The following DCLK1 variants were observed in gnomAD, a reference collection of about 807,000 sequenced individuals.
DCLK1 encodes the protein serine/threonine-protein kinase DCLK1.
In DCLK1, 16 loss-of-function variants were observed where a neutral mutation model predicts 86.2. The ratio of observed to expected loss-of-function variants is 0.19; its 90% confidence interval spans 0.13 to 0.28. DCLK1 has a LOEUF of 0.28. Ranked by LOEUF, DCLK1 falls within the 10% of genes least tolerant of loss-of-function variation. The pLI, the probability that DCLK1 is intolerant of heterozygous loss-of-function variation, is 1.00. For missense variants in DCLK1, 590 were observed against 940.2 expected (o/e 0.63, Z 4.87); for synonymous variants, 369 against 370.5 (o/e 1.00, Z 0.05).
intron 3 of DCLK1, among the ~76,000 whole-genome samples, chr13:36,103,092 T>C (rs1885272491): frequency 6.6e-6 from 1 of 152,148 alleles, no homozygotes; most frequent in African/African-American, 2.4e-5. Flanking sequence ...TTGTTGTTTG[T>C]TTGTTTGTTT....
intron 3 of DCLK1, among the ~76,000 whole-genome samples, chr13:35,978,239 C>G (rs1879456322): frequency 8.2e-6 from 1 of 122,668 alleles, no homozygotes; most frequent in African/African-American, 3.1e-5. Flanking sequence ...CGGAGTCTCA[C>G]TCTGTCACCC....
intron 3 of DCLK1, among the ~76,000 whole-genome samples, chr13:35,980,687 C>A (rs73178267): frequency 0.11 from 17,469 of 152,136 alleles, 1,272 homozygotes; most frequent in Middle Eastern, 0.18. Context: ...GTGATGAAAT[C>A]ATTCCACCTC....
intron 4 of DCLK1, among the ~76,000 whole-genome samples, chr13:35,913,891 T>G (rs1017269574): frequency 5.9e-5 from 9 of 152,316 alleles, no homozygotes; most frequent in African/African-American, 2.2e-4. Context: ...GGTAACCAAG[T>G]GCTGTCTACC....
intron 11 of DCLK1, among the ~76,000 whole-genome samples, chr13:35,821,529 C>T (rs1415935430): frequency 3.3e-5 from 5 of 152,020 alleles, no homozygotes; most frequent in Non-Finnish European, 5.9e-5. Flanking sequence ...AGAAACACTA[C>T]TTTAGAAAGA....
At chr13:36,067,058 G>A (rs1030268818) in intron 3 of DCLK1, among the ~76,000 whole-genome samples, 2 of 142,932 alleles carry the variant, frequency 1.4e-5, no homozygotes, top group African/African-American at 5.2e-5. Flanking sequence ...CCATTACTGG[G>A]TATATACCCA....
chr13:35,820,240 C>T lies in DCLK1; in HGVS notation c.1554+2489G>A, dbSNP rs185639395. ...ATAGACTTATCCCTGCAAAATTCAC[C>T]AACCCCTAATCCCTACCATCAGAAA... On this transcript the variant is annotated intron_variant, in intron 11 of 16. Transcript: ENST00000360631. Among the ~76,000 whole-genome samples, 110 of 152,050 alleles carry T rather than the reference C, an allele frequency of 7.2e-4. 1 individual carries two copies. The highest frequency in any genetic ancestry group is 2.6e-3 in the African/African-American group (107 of 41,484).
intron 16 of DCLK1, among the ~76,000 whole-genome samples, chr13:35,779,518 A>G (rs2086485070): frequency 6.6e-6 from 1 of 152,212 alleles, no homozygotes; most frequent in Non-Finnish European, 1.5e-5. Flanking sequence ...AGTGTGTATT[A>G]AACATTTCTT....
chr13:35,978,469 G>C (rs1248562037), intron 3 of DCLK1, among the ~76,000 whole-genome samples: 3 of 152,050 alleles, frequency 2.0e-5, no homozygotes, highest in African/African-American at 7.2e-5. Flanking sequence ...GCCTCCCAAA[G>C]TGCTGGGATT....
Position 35,774,440 on chromosome 13 carries a change from A to C in DCLK1, c.*95T>G. ...TTCTGCCATTCAAGCATTGAGCGCT[A>C]GATAGATCAGATGAAACTGTTTTAC... On this transcript the variant is annotated 3_prime_UTR_variant, in exon 17 of 17. Transcript: ENST00000360631. 1 of 1,421,508 alleles carries C rather than the reference A, an allele frequency of 7.0e-7. No homozygotes were observed. The highest frequency in any genetic ancestry group is 9.6e-7 in the Non-Finnish European group (1 of 1,044,198). The allele number at this position is 1,421,508 out of a possible 1,614,324, so 88.1% of individuals were successfully genotyped here. A position where few individuals can be genotyped will look rare whatever the true frequency, so the allele number is the denominator to read the frequency against.
intron 16 of DCLK1, among the ~76,000 whole-genome samples, chr13:35,792,723 G>A (rs1034458639): frequency 6.6e-6 from 1 of 152,220 alleles, no homozygotes; most frequent in African/African-American, 2.4e-5. Flanking sequence ...CTAGAGCTGC[G>A]ATCAAATTGC....
chr13:35,867,909 A>AAAAAGAAAG (rs1555345723), intron 5 of DCLK1, among the ~76,000 whole-genome samples: 1 of 102,374 alleles, frequency 9.8e-6, no homozygotes, highest in East Asian at 2.9e-4. Context: ...GAAAGAAAGA[A>AAAAAGAAAG]AAAGAAAGAA....
chr13:35,848,339 T>C (rs1371293332), intron 6 of DCLK1: 1 of 984,966 alleles, frequency 1.0e-6, no homozygotes, highest in Admixed American at 6.2e-5. Context: ...TCTGCTTTAG[T>C]TTAATAGAAT....
chr13:35,799,439 C>T (rs1247573116), intron 15 of DCLK1, among the ~76,000 whole-genome samples: 1 of 152,090 alleles, frequency 6.6e-6, no homozygotes, highest in Non-Finnish European at 1.5e-5. Context: ...CTAGTGGAGA[C>T]AAGGTTTCTC....
intron 6 of DCLK1, among the ~76,000 whole-genome samples, chr13:35,840,792 T>C (rs750774844): frequency 5.3e-5 from 8 of 152,212 alleles, no homozygotes; most frequent in Admixed American, 6.5e-5. Flanking sequence ...GGACTATAAA[T>C]GTAGGAGCTT....
intron 3 of DCLK1, among the ~76,000 whole-genome samples, chr13:36,073,993 TTTG>T (rs1194851072): frequency 6.6e-6 from 1 of 152,338 alleles, no homozygotes; most frequent in Non-Finnish European, 1.5e-5. Flanking sequence ...GTTACAGTTC[TTTG>T]TTTTTTGTTT....
At chr13:36,122,959 G>A (rs1348273447) in intron 2 of DCLK1, among the ~76,000 whole-genome samples, 1 of 152,156 alleles carries the variant, frequency 6.6e-6, no homozygotes, top group Non-Finnish European at 1.5e-5. Context: ...ACAAAACAGT[G>A]ACAGTGACCA....
chr13:35,796,282 G>A (rs2086810026), intron 15 of DCLK1, among the ~76,000 whole-genome samples: 1 of 152,282 alleles, frequency 6.6e-6, no homozygotes, highest in African/African-American at 2.4e-5. Flanking sequence ...AAACATGATT[G>A]TGGAGAAGGT....
chr13:35,849,269 A>T (rs1339034715), intron 6 of DCLK1: 1 of 985,258 alleles, frequency 1.0e-6, no homozygotes, highest in African/African-American at 1.7e-5. Context: ...TATCAGGGAG[A>T]TAAATCAATA....
intron 3 of DCLK1, among the ~76,000 whole-genome samples, chr13:35,955,662 C>T (rs1463474875): frequency 6.6e-6 from 1 of 152,164 alleles, no homozygotes; most frequent in Non-Finnish European, 1.5e-5. Context: ...AGATGTGTGA[C>T]TTTGGACAAC....
Sources: allele counts gnomAD v4.1 joint callset (sites outside exome capture counted in the v4.1 genomes callset), GRCh38; gene constraint gnomAD v4.1.1; transcripts MANE v1.5; gene names NCBI Gene and HGNC (gene_info 2026-07-23, HGNC 2026-07-21).